Variants in PDE1A observed in about 807,000 individuals in gnomAD.
The protein encoded by PDE1A is phosphodiesterase 1A.
PDE1A carries 35 observed loss-of-function variants against 61.7 expected under a neutral mutation model. That is an observed-to-expected ratio of 0.57 (90% CI 0.43 to 0.75). The LOEUF is 0.75. Ranked by LOEUF, PDE1A falls within the 30% of genes least tolerant of loss-of-function variation. The pLI is 0.00. For missense variants in PDE1A, 597 were observed against 630.6 expected (o/e 0.95, Z 0.57); for synonymous variants, 232 against 213.2 (o/e 1.09, Z -0.77).
At chr2:182,705,662 C>T in the PDE1A span, among the ~76,000 whole-genome samples, 5 of 152,178 alleles carry the variant, frequency 3.3e-5, no homozygotes, top group African/African-American at 9.6e-5. Flanking sequence ...TACAGGCATG[C>T]GCCACCAAGC....
intron 2 of PDE1A, among the ~76,000 whole-genome samples, chr2:182,464,847 G>A (rs1169400159): frequency 6.6e-6 from 1 of 152,066 alleles, no homozygotes; most frequent in Non-Finnish European, 1.5e-5. Context: ...CCACCAGAAC[G>A]AAAGCACCAT....
chr2:182,496,008 A>C (rs1422766828), intron 2 of PDE1A, among the ~76,000 whole-genome samples: 2 of 152,244 alleles, frequency 1.3e-5, no homozygotes, highest in African/African-American at 4.8e-5. Context: ...CATACAACAG[A>C]TATAAGTCCT....
the PDE1A span, among the ~76,000 whole-genome samples, chr2:182,695,484 G>A: frequency 6.6e-6 from 1 of 151,938 alleles, no homozygotes; most frequent in Non-Finnish European, 1.5e-5. Context: ...GGCTAACACG[G>A]TGAAACTCCG....
chr2:182,150,510 T>C lies in PDE1A; in HGVS notation c.1517-3358A>G, dbSNP rs188000469. ...ATTAGGAATGAATGCAAGTGGTCTG[T>C]TCAAAGAAATTGCATATAAACTTGT... On this transcript the variant is annotated intron_variant, in intron 13 of 13. Transcript: ENST00000409365. Among the ~76,000 whole-genome samples, 97 of 152,300 alleles carry C rather than the reference T, an allele frequency of 6.4e-4. 1 individual carries two copies. The highest frequency in any genetic ancestry group is 2.2e-3 in the African/African-American group (91 of 41,562).
chr2:182,232,872 T>C (rs1035590748), intron 4 of PDE1A, among the ~76,000 whole-genome samples: 11 of 152,230 alleles, frequency 7.2e-5, no homozygotes, highest in Non-Finnish European at 1.6e-4. Flanking sequence ...TTGAGAATTT[T>C]TTATAAACCC....
At chr2:182,601,223 C>A in the PDE1A span, among the ~76,000 whole-genome samples, 1 of 152,174 alleles carries the variant, frequency 6.6e-6, no homozygotes, top group Non-Finnish European at 1.5e-5. Flanking sequence ...TAGGGTCCGG[C>A]CACTGCACAT....
intron 1 of PDE1A, among the ~76,000 whole-genome samples, chr2:182,416,700 A>T (rs1404614069): frequency 6.6e-6 from 1 of 152,182 alleles, no homozygotes; most frequent in Non-Finnish European, 1.5e-5. Context: ...AAAATAAAGA[A>T]GGCATGTTTT....
intron 1 of PDE1A, among the ~76,000 whole-genome samples, chr2:182,335,088 C>T (rs1327945756): frequency 2.0e-5 from 3 of 151,794 alleles, no homozygotes; most frequent in Non-Finnish European, 4.4e-5. Context: ...AGGACCTCTT[C>T]AAGGAGAACT....
At chr2:182,684,845 T>C in the PDE1A span, among the ~76,000 whole-genome samples, 1 of 152,166 alleles carries the variant, frequency 6.6e-6, no homozygotes, top group Non-Finnish European at 1.5e-5. Flanking sequence ...ATATAAATGT[T>C]AAAATTATTA....
chr2:182,486,131 TA>T (rs144242747), intron 2 of PDE1A, among the ~76,000 whole-genome samples: 3,719 of 151,674 alleles, frequency 0.025, 68 homozygotes, highest in African/African-American at 0.045. Context: ...ATGATCAATA[TA>T]AAAAAAATTC....
chr2:182,310,183 T>G (rs1377322907), intron 1 of PDE1A, among the ~76,000 whole-genome samples: 1 of 152,106 alleles, frequency 6.6e-6, no homozygotes, highest in Non-Finnish European at 1.5e-5. Context: ...TTATTGTTAT[T>G]TTTATTAGCA....
Position 182,386,533 on chromosome 2 carries a change from C to T in PDE1A, c.53+40045G>A, listed in dbSNP as rs181707996. Among the ~76,000 whole-genome samples the T allele has an allele frequency of 4.9e-3, 739 of 149,536 alleles. 2 individuals carry two copies. The highest frequency in any genetic ancestry group is 0.017 in the African/African-American group (670 of 40,482). On this transcript the variant is annotated intron_variant, in intron 1 of 13. Transcript: ENST00000351439. ...GAGGTGAGGAACGTCTCTGCCCGGCCGCTCCGTCCAAGAAGTGAGGAGCCC... is the reference window on the plus strand; with the variant it reads ...GAGGTGAGGAACGTCTCTGCCCGGCTGCTCCGTCCAAGAAGTGAGGAGCCC...
chr2:182,334,302 A>G (rs2124978227), intron 1 of PDE1A, among the ~76,000 whole-genome samples: 1 of 151,838 alleles, frequency 6.6e-6, no homozygotes, highest in Middle Eastern at 3.4e-3. Flanking sequence ...GCACACACAC[A>G]CACACCAAAA....
chr2:182,186,687 G>C, intron 11 of PDE1A, 99 bp from the exon 12 acceptor site: 1 of 1,211,502 alleles, frequency 8.3e-7, no homozygotes, highest in Non-Finnish European at 1.2e-6. Flanking sequence ...GACAATCCTG[G>C]GATAGCAAGA....
At chr2:182,653,256 T>C in the PDE1A span, among the ~76,000 whole-genome samples, 48 of 152,290 alleles carry the variant, frequency 3.2e-4, no homozygotes, top group African/African-American at 1.2e-3. Context: ...GACCTCAGGA[T>C]GATAGGGAGG....
At chr2:182,435,935 T>C (rs1684373210) in intron 2 of PDE1A, among the ~76,000 whole-genome samples, 1 of 152,078 alleles carries the variant, frequency 6.6e-6, no homozygotes, top group East Asian at 1.9e-4. Flanking sequence ...GGAAAATTCC[T>C]AAATGCTAAA....
At chr2:182,660,033 A>T in the PDE1A span, among the ~76,000 whole-genome samples, 1 of 152,222 alleles carries the variant, frequency 6.6e-6, no homozygotes, top group Admixed American at 6.5e-5. Flanking sequence ...TATCATGGGC[A>T]TGGCTGGATG....
At chr2:182,696,008 T>C in the PDE1A span, among the ~76,000 whole-genome samples, 1 of 152,234 alleles carries the variant, frequency 6.6e-6, no homozygotes, top group African/African-American at 2.4e-5. Flanking sequence ...CATTCATTGC[T>C]GGTGAGAAGG....
At chr2:182,601,170 G>A in the PDE1A span, among the ~76,000 whole-genome samples, 1 of 152,176 alleles carries the variant, frequency 6.6e-6, no homozygotes, top group Non-Finnish European at 1.5e-5. Flanking sequence ...TGCCAAGGGT[G>A]AGCCAGGCAT....
Sources: gnomAD v4.1 joint callset for allele counts (sites outside exome capture counted in the v4.1 genomes callset) on GRCh38, gnomAD v4.1.1 for gene constraint, MANE v1.5 for transcripts, NCBI Gene and HGNC (gene_info 2026-07-23, HGNC 2026-07-21) for gene names.